Variants in SP4 observed in about 807,000 individuals in gnomAD.
The protein encoded by SP4 is Sp4 transcription factor.
Under a neutral mutation model 72.8 loss-of-function variants are expected in SP4, and 19 were observed. That is an observed-to-expected ratio of 0.26 (90% confidence interval 0.18 to 0.38). The LOEUF is 0.38. SP4 is among the 10% of genes least tolerant of loss of function. SP4 has a pLI of 1.00. For synonymous variants in SP4, 395 were observed against 333.1 expected, an observed-to-expected ratio of 1.19 and a Z score of -2.02; for missense variants, 1,008 against 926.3, an observed-to-expected ratio of 1.09 and a Z score of -1.14.
chr7:21,428,853 C>A, intron 2 of SP4, 61 bp downstream of exon 2: 1 of 1,247,976 alleles, frequency 8.0e-7, no homozygotes, highest in Non-Finnish European at 1.1e-6. Flanking sequence ...GGGAGTTATG[C>A]CCTTTGAATG....
chr7:21,504,079 G>C (rs1319163824), intron 5 of SP4, among the ~76,000 whole-genome samples: 1 of 152,110 alleles, frequency 6.6e-6, no homozygotes. Flanking sequence ...AGGGATGTTT[G>C]GGAGCAGGCT....
chr7:21,447,269 C>G (rs1783457430), intron 3 of SP4, among the ~76,000 whole-genome samples: 1 of 152,176 alleles, frequency 6.6e-6, no homozygotes, highest in South Asian at 2.1e-4. Context: ...CCTAACCTTT[C>G]CAAAACCCAA....
chr7:21,466,195 C>G (rs1302429119), intron 3 of SP4, among the ~76,000 whole-genome samples: 2 of 152,102 alleles, frequency 1.3e-5, no homozygotes, highest in Non-Finnish European at 2.9e-5. Flanking sequence ...CTGGTCAGAT[C>G]TTATTTATCA....
intron 3 of SP4, among the ~76,000 whole-genome samples, chr7:21,470,779 A>G (rs1784314579): frequency 6.6e-6 from 1 of 151,854 alleles, no homozygotes; most frequent in Admixed American, 6.6e-5. Context: ...AGCAGAACAA[A>G]AAAGGAATAA....
intron 3 of SP4, among the ~76,000 whole-genome samples, chr7:21,469,984 G>A (rs1784284072): frequency 6.6e-6 from 1 of 152,150 alleles, no homozygotes; most frequent in African/African-American, 2.4e-5. Context: ...AACCAAGGTT[G>A]AGAGTTATGC....
chr7:21,434,962 G>A (rs7795411), intron 3 of SP4, among the ~76,000 whole-genome samples: 22,038 of 152,138 alleles, frequency 0.14, 3,033 homozygotes, highest in East Asian at 0.62. Context: ...AGTGAGGAGA[G>A]TTAACTACCT....
intron 3 of SP4, among the ~76,000 whole-genome samples, chr7:21,464,089 T>C (rs1407215650): frequency 6.6e-6 from 1 of 151,752 alleles, no homozygotes; most frequent in African/African-American, 2.4e-5. Flanking sequence ...TATTTATTCT[T>C]ATATCTGATT....
At position 21,436,960 on chromosome 7, in the gene SP4, TCTC is replaced by T. The variant is rs1783069297; in HGVS notation, c.1678+6122_1678+6124del. On this transcript the variant is annotated intron_variant, in intron 3 of 5. Coordinates refer to ENST00000222584, the MANE Select transcript of SP4 (RefSeq NM_003112.5). ...CAAAGTGAGGGCTAGAATCTTGACT[TCTC>T]CTCCAGTTGTCTTTCTACTGCATTT... 3.9e-5 allele frequency among the ~76,000 whole-genome samples: 6 copies of T among 152,280 alleles called. No individual in the cohort carries two copies. The South Asian group carries it at 1.2e-3, about 32-fold the overall frequency.
At chr7:21,493,362 C>T (rs934609285) in intron 5 of SP4, among the ~76,000 whole-genome samples, 2 of 151,990 alleles carry the variant, frequency 1.3e-5, no homozygotes, top group African/African-American at 2.4e-5. Context: ...AATGAAAATA[C>T]ACCATAAAAT....
intron 3 of SP4, among the ~76,000 whole-genome samples, chr7:21,447,218 T>A (rs970100205): frequency 4.6e-5 from 7 of 152,212 alleles, no homozygotes; most frequent in Non-Finnish European, 1.0e-4. Context: ...TTACAAGCAG[T>A]ATAACCCTGT....
At chr7:21,455,643 CA>C (rs1037638281) in intron 3 of SP4, among the ~76,000 whole-genome samples, 1 of 152,172 alleles carries the variant, frequency 6.6e-6, no homozygotes, top group Non-Finnish European at 1.5e-5. Flanking sequence ...CAGGGCCCCC[CA>C]GTTCATCCTT....
chr7:21,483,831 A>G (rs1419113627), intron 5 of SP4, among the ~76,000 whole-genome samples: 1 of 151,404 alleles, frequency 6.6e-6, no homozygotes, highest in Non-Finnish European at 1.5e-5. Context: ...TACCCTTTTC[A>G]GAATATTTAG....
chr7:21,445,032 T>A (rs1783378077), intron 3 of SP4, among the ~76,000 whole-genome samples: 1 of 152,194 alleles, frequency 6.6e-6, no homozygotes, highest in African/African-American at 2.4e-5. Context: ...TTTGATGGAC[T>A]GTGTTGATTG....
chr7:21,445,060 A>G (rs1043198620), intron 3 of SP4, among the ~76,000 whole-genome samples: 2 of 152,184 alleles, frequency 1.3e-5, no homozygotes, highest in African/African-American at 2.4e-5. Flanking sequence ...GAGGCTAGTA[A>G]TAACATCTCC....
intron 3 of SP4, among the ~76,000 whole-genome samples, chr7:21,458,268 C>G (rs1039946633): frequency 6.6e-6 from 1 of 152,186 alleles, no homozygotes; most frequent in Non-Finnish European, 1.5e-5. Flanking sequence ...TCTTGGCTCA[C>G]TGCAAACTCC....
chr7:21,481,718 A>G (rs1364295672), intron 4 of SP4, among the ~76,000 whole-genome samples: 3 of 152,232 alleles, frequency 2.0e-5, no homozygotes, highest in Non-Finnish European at 2.9e-5. Flanking sequence ...CTTTGAGATT[A>G]ACACATTTTC....
chr7:21,460,151 C>A (rs1393714462), intron 3 of SP4, among the ~76,000 whole-genome samples: 1 of 152,186 alleles, frequency 6.6e-6, no homozygotes, highest in Non-Finnish European at 1.5e-5. Context: ...GATAGTGTGT[C>A]CGGAATTGGT....
At chr7:21,505,019 T>G (rs1293023714) in intron 5 of SP4, among the ~76,000 whole-genome samples, 2 of 152,254 alleles carry the variant, frequency 1.3e-5, no homozygotes, top group African/African-American at 4.8e-5. Context: ...GGACCGGGGC[T>G]GTAATGAGGG....
chr7:21,489,049 A>C (rs1784901543), intron 5 of SP4, among the ~76,000 whole-genome samples: 1 of 152,186 alleles, frequency 6.6e-6, no homozygotes, highest in Admixed American at 6.5e-5. Context: ...GCTAAGAAAA[A>C]ATCCTTTTCA....
Sources: gnomAD v4.1 joint callset for allele counts (sites outside exome capture counted in the v4.1 genomes callset) on GRCh38, gnomAD v4.1.1 for gene constraint, MANE v1.5 for transcripts, NCBI Gene and HGNC (gene_info 2026-07-23, HGNC 2026-07-21) for gene names.